NTN1: variants seen among roughly 807,000 people sequenced by gnomAD.
The protein encoded by NTN1 is netrin-1.
A neutral mutation model predicts 54.2 loss-of-function variants in NTN1; 11 were observed. The observed-to-expected ratio is 0.20, with a 90% CI of 0.13 to 0.34. The LOEUF is 0.34. NTN1 is among the 10% of genes least tolerant of loss of function. NTN1 has a pLI of 1.00. For synonymous variants in NTN1, 371 were observed against 382.0 expected, an observed-to-expected ratio of 0.97 and a Z score of 0.33; for missense variants, 740 against 893.1, an observed-to-expected ratio of 0.83 and a Z score of 2.18.
At chr17:9,022,249 C>G in intron 1 of NTN1, 62 bp from the exon 2 acceptor site, 3 of 1,096,600 alleles carry the variant, frequency 2.7e-6, no homozygotes, top group Non-Finnish European at 3.5e-6. Context: ...CCGCTCGCCA[C>G]CCCGCCGAGA....
chr17:9,195,424 A>G (rs1904605275), intron 5 of NTN1, among the ~76,000 whole-genome samples: 1 of 152,204 alleles, frequency 6.6e-6, no homozygotes, highest in Admixed American at 6.5e-5. Flanking sequence ...ATCAAGGAGC[A>G]TGGCTGATGG....
chr17:9,054,055 A>AT (rs1218662473), intron 2 of NTN1, among the ~76,000 whole-genome samples: 1 of 151,932 alleles, frequency 6.6e-6, no homozygotes, highest in Non-Finnish European at 1.5e-5. Flanking sequence ...CTGACATCTG[A>AT]TTTTTTTTAG....
Position 9,022,956 on chromosome 17 carries a change from A to C in NTN1, c.583A>C (p.Lys195Gln), listed in dbSNP as rs773172213. Residue 195 changes from lysine (K) to glutamine (Q), a missense_variant, in exon 2 of 7, where the codon AAG (lysine) becomes CAG (glutamine). Physicochemically the swap from Lys to Gln is moderately conservative, Grantham distance 53. Coordinates refer to ENST00000173229, the MANE Select transcript of NTN1 (RefSeq NM_004822.3). The stretch of plus-strand genomic sequence containing the variant: ...CCGGCCGCACCGCGCGCCCATCACC[A>C]AGCAGAACGAGCAGGAGGCCGTGTG... ...YNRPHRAPIT[K>Q]QNEQEAVCTD... 1 of 1,611,228 alleles carries C rather than the reference A, an allele frequency of 6.2e-7. No homozygotes were observed. Among genetic ancestry groups the C allele is most frequent in the Non-Finnish European group, 8.5e-7 (1 of 1,179,530 alleles).
At chr17:9,081,683 T>C (rs1017130668) in intron 2 of NTN1, among the ~76,000 whole-genome samples, 1 of 152,030 alleles carries the variant, frequency 6.6e-6, no homozygotes, top group Non-Finnish European at 1.5e-5. Context: ...ATATCTTCAC[T>C]CCCGGGAAGA....
the NTN1 span, among the ~76,000 whole-genome samples, chr17:9,003,621 C>G: frequency 6.7e-6 from 1 of 149,470 alleles, no homozygotes; most frequent in Non-Finnish European, 1.5e-5. This position sits in a 1 kb window ranked among gnomAD's most constrained non-coding sequence, Gnocchi z 7.4. Context: ...CCCGGGCCAC[C>G]CCGCCCGGCC....
intron 2 of NTN1, among the ~76,000 whole-genome samples, chr17:9,041,971 T>G (rs1021271179): frequency 6.6e-6 from 1 of 151,422 alleles, no homozygotes; most frequent in African/African-American, 2.4e-5. Flanking sequence ...ATTGGGCCAT[T>G]GCACTCCAGC....
At chr17:9,066,112 A>C (rs1335100684) in intron 2 of NTN1, among the ~76,000 whole-genome samples, 2 of 152,248 alleles carry the variant, frequency 1.3e-5, no homozygotes, top group African/African-American at 4.8e-5. Flanking sequence ...GGTCAAGAAG[A>C]TCACTAGTTG....
In NTN1 at chr17:9,022,680, C is replaced by T. The variant is rs1333223709; in HGVS notation, c.307C>T (p.His103Tyr). 6.3e-7 allele frequency: 1 copy of T among 1,582,164 alleles called. No homozygotes were observed. The highest frequency in any genetic ancestry group is 8.6e-7 in the Non-Finnish European group (1 of 1,165,566). Residue 103 changes from histidine to tyrosine, a missense_variant, in exon 2 of 7, where the codon CAC becomes TAC. His to Tyr is a moderately conservative substitution (Grantham distance 83, BLOSUM62 2). Transcript: ENST00000173229. ...CAACGCGTCCGACCCCAAGAAGGCG[C>T]ACCCGCCCGCCTTCCTCACCGACCT... ...LCNASDPKKAHPPAFLTDLNN... is the reference protein window; with the variant it reads ...LCNASDPKKAYPPAFLTDLNN...
At chr17:9,186,245 G>A (rs2092432597) in intron 5 of NTN1, among the ~76,000 whole-genome samples, 1 of 152,224 alleles carries the variant, frequency 6.6e-6, no homozygotes, top group African/African-American at 2.4e-5. Context: ...TGTGAAGTTG[G>A]GAGAGGTGCA....
intron 5 of NTN1, among the ~76,000 whole-genome samples, chr17:9,200,903 C>T (rs886678535): frequency 6.6e-6 from 1 of 152,144 alleles, no homozygotes; most frequent in African/African-American, 2.4e-5. Flanking sequence ...TTTGGTGGGC[C>T]TGAGCCAGTG....
chr17:9,083,077 T>TG (rs1386977316), intron 2 of NTN1, among the ~76,000 whole-genome samples: 1 of 151,640 alleles, frequency 6.6e-6, no homozygotes, highest in Non-Finnish European at 1.5e-5. Context: ...CCATTGGCCT[T>TG]GGGGGGATTG....
At chr17:9,200,905 G>A (rs940953871) in intron 5 of NTN1, among the ~76,000 whole-genome samples, 1 of 152,196 alleles carries the variant, frequency 6.6e-6, no homozygotes, top group African/African-American at 2.4e-5. Flanking sequence ...TGGTGGGCCT[G>A]AGCCAGTGGC....
chr17:9,056,085 T>G (rs1242469730), intron 2 of NTN1, among the ~76,000 whole-genome samples: 1 of 151,948 alleles, frequency 6.6e-6, no homozygotes, highest in Non-Finnish European at 1.5e-5. Flanking sequence ...TGACAGAGTT[T>G]CCCTCTTGTT....
intron 5 of NTN1, among the ~76,000 whole-genome samples, chr17:9,206,805 G>C (rs909838769): frequency 2.0e-5 from 3 of 152,200 alleles, no homozygotes; most frequent in African/African-American, 7.2e-5. Context: ...AAACACCAAA[G>C]CCCTTCAAAC....
the NTN1 span, among the ~76,000 whole-genome samples, chr17:9,013,216 C>CTTTTT: frequency 2.5e-5 from 3 of 118,726 alleles, no homozygotes; most frequent in South Asian, 2.7e-4. Flanking sequence ...TTTTCTTTTT[C>CTTTTT]TTTTTTTTTT....
rs1387331284 is a variant in NTN1, at chr17:9,243,401, T to C, written c.*3433T>C. 1 of 150,264 alleles carries C rather than the reference T, an allele frequency of 6.7e-6. No homozygotes were observed. Among genetic ancestry groups the C allele is most frequent in the African/African-American group, 2.4e-5 (1 of 41,074 alleles). The allele number at this position is 150,264 out of a possible 1,614,324, so 9.3% of individuals were successfully genotyped here. ...GAGTTGTCCCAGGTTGGAATGAGAC[T>C]GAACTCAAGAAGAGACCCTAAGGGA... On this transcript the variant is annotated 3_prime_UTR_variant, in exon 7 of 7. Coordinates refer to ENST00000173229, the MANE Select transcript of NTN1 (RefSeq NM_004822.3).
chr17:9,138,138 A>T (rs1262245045), intron 2 of NTN1, among the ~76,000 whole-genome samples: 1 of 152,116 alleles, frequency 6.6e-6, no homozygotes, highest in East Asian at 1.9e-4. Flanking sequence ...AGTGACTTTT[A>T]AGTTGTCTTC....
chr17:9,225,037 C>T (rs919544361), intron 6 of NTN1, among the ~76,000 whole-genome samples: 1 of 152,004 alleles, frequency 6.6e-6, no homozygotes, highest in Non-Finnish European at 1.5e-5. Flanking sequence ...CAGAGGTGGG[C>T]GGATCACGAG....
At chr17:9,026,495 G>A (rs538321887) in intron 2 of NTN1, among the ~76,000 whole-genome samples, 2 of 151,666 alleles carry the variant, frequency 1.3e-5, no homozygotes, top group South Asian at 4.2e-4. Flanking sequence ...ACTTTCTTCC[G>A]CCCATATGTA....
Sources: allele counts gnomAD v4.1 joint callset (sites outside exome capture counted in the v4.1 genomes callset), GRCh38; gene constraint gnomAD v4.1.1; non-coding constraint Gnocchi (gnomAD v3.1); transcripts MANE v1.5; gene names NCBI Gene and HGNC (gene_info 2026-07-23, HGNC 2026-07-21).